The following NFIB variants were observed in gnomAD, a reference collection of about 807,000 sequenced individuals.
NFIB encodes nuclear factor I B.
In NFIB, 11 loss-of-function variants were observed where a neutral mutation model predicts 61.5. The ratio of observed to expected loss-of-function variants is 0.18; its 90% CI spans 0.11 to 0.30. The LOEUF is 0.30. Ranked by LOEUF, NFIB falls within the 10% of genes least tolerant of loss-of-function variation. The probability of loss-of-function intolerance (pLI) is 1.00; values close to 1 mark genes in which losing one functional copy is unlikely to be tolerated. For synonymous variants in NFIB, 260 were observed against 216.5 expected, an observed-to-expected ratio of 1.20 and a Z score of -1.76; for missense variants, 471 against 608.9, an observed-to-expected ratio of 0.77 and a Z score of 2.38.
intron 2 of NFIB, among the ~76,000 whole-genome samples, chr9:14,239,697 C>A (rs2054157219): frequency 6.6e-6 from 1 of 152,044 alleles, no homozygotes; most frequent in African/African-American, 2.4e-5. Context: ...ACCACAAGAA[C>A]CTTACACGAT....
intron 2 of NFIB, 23 bp downstream of exon 2, chr9:14,306,966 A>G: frequency 6.2e-7 from 1 of 1,610,394 alleles, no homozygotes; most frequent in Non-Finnish European, 8.5e-7. Flanking sequence ...GCCGTGCTAG[A>G]AAAAAGAACA....
At chr9:14,278,876 G>GA (rs574786493) in intron 2 of NFIB, among the ~76,000 whole-genome samples, 103 of 151,974 alleles carry the variant, frequency 6.8e-4, no homozygotes, top group Admixed American at 2.8e-3. Flanking sequence ...ATACTGAGGG[G>GA]AAAAAAATGT....
chr9:14,252,210 C>T (rs541926683), intron 2 of NFIB, among the ~76,000 whole-genome samples: 4 of 152,208 alleles, frequency 2.6e-5, no homozygotes, highest in South Asian at 2.1e-4. Flanking sequence ...GAATAGCAAA[C>T]GGGCTGATAT....
At chr9:14,459,490 T>C in the NFIB span, among the ~76,000 whole-genome samples, 2,016 of 152,172 alleles carry the variant, frequency 0.013, 30 homozygotes, top group East Asian at 0.053. Context: ...CCAAAAACAA[T>C]GGCAACAAAA....
chr9:14,409,180 C>G, the NFIB span, among the ~76,000 whole-genome samples: 2 of 152,022 alleles, frequency 1.3e-5, no homozygotes, highest in South Asian at 4.2e-4. Context: ...AACATATAGC[C>G]AAATAACTAG....
At chr9:14,527,091 T>C in the NFIB span, among the ~76,000 whole-genome samples, 2 of 152,172 alleles carry the variant, frequency 1.3e-5, no homozygotes, top group African/African-American at 4.8e-5. Flanking sequence ...AGAAGATTAA[T>C]GTATTTTACC....
At position 14,146,539 on chromosome 9, in the gene NFIB, CATT is replaced by C. The variant is rs2042294269; in HGVS notation, c.925+147_925+149del. 37 of 1,173,044 alleles carry C rather than the reference CATT, an allele frequency of 3.2e-5. No individual in the cohort carries two copies. The South Asian group carries it at 4.3e-4, about 14-fold the overall frequency. 72.7% of individuals were successfully genotyped at this position (1,173,044 alleles called of 1,614,324 possible). A position where few individuals can be genotyped will look rare whatever the true frequency, so the allele number is the denominator to read the frequency against. The stretch of plus-strand genomic sequence containing the variant: ...ATTAACTTTGACGACATTTGACTAA[CATT>C]ATCTCAAAAATAATTCTACAGGAAT... On this transcript the variant is annotated intron_variant, in intron 6 of 10. Transcript: ENST00000380953.
intron 1 of NFIB, among the ~76,000 whole-genome samples, chr9:14,346,136 G>A (rs2061015973): frequency 1.3e-5 from 2 of 152,142 alleles, no homozygotes; most frequent in Non-Finnish European, 2.9e-5. Flanking sequence ...GGCGCGGGGG[G>A]CGCGTGGGGC....
At chr9:14,463,158 TATTA>T in the NFIB span, among the ~76,000 whole-genome samples, 703 of 148,464 alleles carry the variant, frequency 4.7e-3, no homozygotes, top group South Asian at 7.7e-3. Flanking sequence ...TTGATTGTTT[TATTA>T]ATTAATTATT....
At chr9:14,305,430 T>C (rs556330667) in intron 2 of NFIB, among the ~76,000 whole-genome samples, 6 of 152,330 alleles carry the variant, frequency 3.9e-5, no homozygotes, top group African/African-American at 1.4e-4. Flanking sequence ...CACCTTAAAG[T>C]GTCACCTCCT....
intron 2 of NFIB, among the ~76,000 whole-genome samples, chr9:14,252,469 T>C (rs574745997): frequency 6.6e-6 from 1 of 152,164 alleles, no homozygotes; most frequent in Non-Finnish European, 1.5e-5. Flanking sequence ...AATAAAGTTT[T>C]AACTGCTGAG....
intron 1 of NFIB, among the ~76,000 whole-genome samples, chr9:14,378,777 A>G (rs509609): frequency 0.86 from 130,686 of 152,250 alleles, 56,349 homozygotes; most frequent in African/African-American, 0.94. Context: ...TGAGGTAAGC[A>G]TAGGACCGTG....
intron 2 of NFIB, among the ~76,000 whole-genome samples, chr9:14,196,758 A>C (rs1057171737): frequency 2.0e-5 from 3 of 152,012 alleles, no homozygotes; most frequent in African/African-American, 7.2e-5. Flanking sequence ...CTACAAGTAA[A>C]ACCTTAAAAA....
intron 2 of NFIB, among the ~76,000 whole-genome samples, chr9:14,188,421 G>T (rs1335601242): frequency 3.3e-5 from 5 of 152,128 alleles, no homozygotes; most frequent in Admixed American, 2.0e-4. Context: ...GTAGAGGAGG[G>T]AAGAGTTTTA....
At chr9:14,268,066 T>G (rs1035165117) in intron 2 of NFIB, among the ~76,000 whole-genome samples, 17 of 148,472 alleles carry the variant, frequency 1.1e-4, no homozygotes, top group Admixed American at 4.1e-4. Context: ...ACCTGGGAGG[T>G]GGAGGTTGCA....
At chr9:14,338,148 A>G (rs1478165049) in intron 1 of NFIB, among the ~76,000 whole-genome samples, 1 of 152,196 alleles carries the variant, frequency 6.6e-6, no homozygotes, top group Non-Finnish European at 1.5e-5. Flanking sequence ...TAATCCCAGC[A>G]CTTTGGGAGG....
At chr9:14,283,043 A>G (rs768824639) in intron 2 of NFIB, among the ~76,000 whole-genome samples, 1 of 152,210 alleles carries the variant, frequency 6.6e-6, no homozygotes. Context: ...TACTGTTACT[A>G]TCATCTTAGA....
chr9:14,414,996 A>G, the NFIB span, among the ~76,000 whole-genome samples: 1 of 152,228 alleles, frequency 6.6e-6, no homozygotes, highest in Admixed American at 6.5e-5. Context: ...AGTATTTATT[A>G]TCTCACAGTT....
the NFIB span, among the ~76,000 whole-genome samples, chr9:14,475,255 A>G: frequency 6.6e-6 from 1 of 152,196 alleles, no homozygotes; most frequent in Non-Finnish European, 1.5e-5. Context: ...CAGAGCAGGG[A>G]GTGGTAGAGC....
Sources: allele counts gnomAD v4.1 joint callset (sites outside exome capture counted in the v4.1 genomes callset), GRCh38; gene constraint gnomAD v4.1.1; transcripts MANE v1.5; gene names NCBI Gene and HGNC (gene_info 2026-07-23, HGNC 2026-07-21).